Variants in ZNF420 observed in about 807,000 individuals in gnomAD.
The protein encoded by ZNF420 is zinc finger protein 420.
In ZNF420, 31 loss-of-function variants were observed where a neutral mutation model predicts 44.7. The ratio of observed to expected loss-of-function variants is 0.69; its 90% confidence interval spans 0.52 to 0.94. The LOEUF (loss-of-function observed/expected upper bound fraction) is 0.94, where lower values mean the gene tolerates loss of function less well. Ranked by LOEUF, ZNF420 falls within the 40% of genes least tolerant of loss-of-function variation. The pLI, the probability that ZNF420 is intolerant of heterozygous loss-of-function variation, is 0.00. For synonymous variants in ZNF420, 245 were observed against 267.4 expected (o/e 0.92, Z 0.82); for missense variants, 681 against 827.9 (o/e 0.82, Z 2.18).
intron 1 of ZNF420, among the ~76,000 whole-genome samples, chr19:37,014,852 A>T (rs944537329): frequency 1.3e-5 from 2 of 152,180 alleles, no homozygotes; most frequent in Non-Finnish European, 2.9e-5. Context: ...TGATCCCACA[A>T]TCCTTGGAGA....
In ZNF420 at chr19:37,012,926, G is replaced by A. The variant is rs181404403; in HGVS notation, c.-125+4844G>A. On this transcript the variant is annotated intron_variant, in intron 1 of 4. Transcript: ENST00000587029. ...GGACGAAAATGTCTTGTGCACCGGAGTGCTGTTTCTTTCTTGTAAGCCTGT... is the reference window on the plus strand; with the variant it reads ...GGACGAAAATGTCTTGTGCACCGGAATGCTGTTTCTTTCTTGTAAGCCTGT... Among the ~76,000 whole-genome samples, 227 of 152,098 alleles carry A rather than the reference G, an allele frequency of 1.5e-3. 1 individual carries two copies. Among genetic ancestry groups the A allele is most frequent in the Admixed American group, 3.7e-3 (57 of 15,280 alleles).
At chr19:37,051,591 C>A (rs1967640104) in intron 1 of ZNF420, among the ~76,000 whole-genome samples, 2 of 152,082 alleles carry the variant, frequency 1.3e-5, no homozygotes, top group Non-Finnish European at 2.9e-5. Context: ...TTTATTGCAT[C>A]TATTTGATTC....
chr19:37,122,708 C>T (rs1971121904), intron 4 of ZNF420, among the ~76,000 whole-genome samples: 1 of 152,100 alleles, frequency 6.6e-6, no homozygotes, highest in South Asian at 2.1e-4. Flanking sequence ...TCTTAGTCTC[C>T]ATTGCTGTTT....
intron 1 of ZNF420, among the ~76,000 whole-genome samples, chr19:37,016,560 G>A (rs2074610306): frequency 6.6e-6 from 1 of 152,142 alleles, no homozygotes; most frequent in Admixed American, 6.5e-5. Flanking sequence ...TCTGAGGCTT[G>A]GATTCACCCC....
At chr19:37,112,698 A>G (rs1665246847) in intron 4 of ZNF420, among the ~76,000 whole-genome samples, 3 of 152,298 alleles carry the variant, frequency 2.0e-5, no homozygotes, top group South Asian at 2.1e-4. Context: ...CAACCTTAAT[A>G]TAAGGCAGGA....
chr19:37,012,265 C>T (rs1023671946), intron 1 of ZNF420, among the ~76,000 whole-genome samples: 2 of 152,226 alleles, frequency 1.3e-5, no homozygotes, highest in Non-Finnish European at 2.9e-5. Flanking sequence ...GCCGCGCCGC[C>T]GCCATTATTT....
At chr19:37,075,624 C>T (rs1968132234), upstream of ZNF420, among the ~76,000 whole-genome samples, 1 of 152,054 alleles carries the variant, frequency 6.6e-6, no homozygotes, top group South Asian at 2.1e-4. Flanking sequence ...CGCCTGTAAT[C>T]CCAGCTACTC....
At chr19:37,065,946 T>G (rs1170969110) in intron 1 of ZNF420, among the ~76,000 whole-genome samples, 1 of 151,980 alleles carries the variant, frequency 6.6e-6, no homozygotes, top group Non-Finnish European at 1.5e-5. Flanking sequence ...GAACAAAAAT[T>G]AACATAAATC....
chr19:37,075,157 G>A (rs1386327691), upstream of ZNF420: 2 of 152,136 alleles, frequency 1.3e-5, no homozygotes, highest in Non-Finnish European at 2.9e-5. Context: ...CCAGTAACTG[G>A]GCTGAAGAGA....
intron 1 of ZNF420, among the ~76,000 whole-genome samples, chr19:37,018,105 A>T (rs1488012160): frequency 6.6e-6 from 1 of 152,232 alleles, no homozygotes; most frequent in East Asian, 1.9e-4. Context: ...CAACAAATTG[A>T]AAGACTTGTC....
At chr19:37,113,129 G>A (rs1270145834) in intron 4 of ZNF420, among the ~76,000 whole-genome samples, 8 of 152,176 alleles carry the variant, frequency 5.3e-5, no homozygotes, top group African/African-American at 1.2e-4. Flanking sequence ...CCCTCTTCTC[G>A]TTTCCCGACA....
chr19:37,017,744 C>T (rs1434243301), intron 1 of ZNF420, among the ~76,000 whole-genome samples: 1 of 151,966 alleles, frequency 6.6e-6, no homozygotes, highest in Non-Finnish European at 1.5e-5. Flanking sequence ...GCTTTTTCTC[C>T]AAGATCAGGA....
intron 1 of ZNF420, among the ~76,000 whole-genome samples, chr19:37,037,528 T>G (rs868594363): frequency 6.6e-6 from 1 of 152,334 alleles, no homozygotes; most frequent in Middle Eastern, 3.4e-3. Flanking sequence ...GGATTTTGGC[T>G]GAGCACAAAC....
At chr19:37,107,027 TC>T (rs1193889510) in intron 4 of ZNF420, 2 of 152,186 alleles carry the variant, frequency 1.3e-5, no homozygotes, top group East Asian at 3.9e-4. Context: ...TTTTCTCCTA[TC>T]TCAGTAAATA....
chr19:37,105,357 T>C (rs895955649), intron 4 of ZNF420, among the ~76,000 whole-genome samples: 2 of 152,220 alleles, frequency 1.3e-5, no homozygotes, highest in Admixed American at 1.3e-4. Flanking sequence ...CATTGATCTA[T>C]ATCTCTGTTT....
intron 1 of ZNF420, among the ~76,000 whole-genome samples, chr19:37,050,468 CT>C (rs1210643358): frequency 1.3e-5 from 2 of 152,106 alleles, no homozygotes; most frequent in East Asian, 3.8e-4. Flanking sequence ...ATTTTATTCT[CT>C]TTGAAGGAAT....
At chr19:37,075,175 T>A (rs550590917), upstream of ZNF420, 22 of 152,244 alleles carry the variant, frequency 1.4e-4, no homozygotes, top group Admixed American at 1.2e-3. Flanking sequence ...AGATAACTAA[T>A]CCTTAAAGGT....
rs1356535377 is a variant in ZNF420, at chr19:37,127,951, A to C, written c.960A>C (p.Ser320=). ...GTGGAAAAGCTTTTATTTGTGGCTC[A>C]CAGCTTTCTCAACATCAGAAAATTC... ...KECGKAFICG[S]QLSQHQKIHN... is the part of the protein sequence containing the mutation. Residue 320 remains serine, a synonymous_variant, in exon 5 of 5, where the codon TCA becomes TCC. Coordinates refer to ENST00000337995, the MANE Select transcript of ZNF420 (RefSeq NM_144689.5). The C allele has an allele frequency of 6.2e-7, 1 of 1,614,096 alleles. No individual in the cohort carries two copies. Among genetic ancestry groups the C allele is most frequent in the Non-Finnish European group, 8.5e-7 (1 of 1,179,948 alleles).
Position 37,091,021 on chromosome 19 carries a change from C to G in ZNF420, c.36C>G (p.Ala12=), listed in dbSNP as rs781572916. Residue 12 remains alanine (A), a synonymous_variant, in exon 4 of 5, where the codon GCC becomes GCG. Coordinates refer to ENST00000337995, the MANE Select transcript of ZNF420 (RefSeq NM_144689.5). ...AATTAGTGATGTTCAGGGATGTTGC[C>G]ATTGACTTCTCTCAGGAAGAGTGGG... ...ARKLVMFRDV[A]IDFSQEEWEC... 97 of 1,613,068 alleles carry G rather than the reference C, an allele frequency of 6.0e-5. 1 individual carries two copies. In the East Asian group the frequency reaches 2.1e-3, roughly 36 times the overall value.
Sources: allele counts gnomAD v4.1 joint callset (sites outside exome capture counted in the v4.1 genomes callset), GRCh38; gene constraint gnomAD v4.1.1; transcripts MANE v1.5; gene names NCBI Gene and HGNC (gene_info 2026-07-23, HGNC 2026-07-21).